The following JAK1 variants were observed in gnomAD, a reference collection of about 807,000 sequenced individuals.
JAK1 encodes the protein Janus kinase 1.
A neutral mutation model predicts 136.6 loss-of-function variants in JAK1; 16 were observed. That is an observed-to-expected ratio of 0.12 (90% confidence interval 0.08 to 0.18). The LOEUF is 0.18. JAK1 is among the 10% of genes least tolerant of loss of function. The probability of loss-of-function intolerance (pLI) is 1.00; values close to 1 mark genes in which losing one functional copy is unlikely to be tolerated. For missense variants in JAK1, 859 were observed against 1,450.1 expected, an observed-to-expected ratio of 0.59 and a Z score of 6.62; for synonymous variants, 492 against 519.5, an observed-to-expected ratio of 0.95 and a Z score of 0.72.
In JAK1 at chr1:64,951,649, C is replaced by CTTT. The variant is rs71056071; in HGVS notation, c.-78+14681_-78+14683dup. Among the ~76,000 whole-genome samples the CTTT allele has an allele frequency of 3.1e-4, 24 of 76,962 alleles. 1 individual carries two copies. Among genetic ancestry groups the CTTT allele is most frequent in the African/African-American group, 1.2e-3 (23 of 19,436 alleles). 50.5% of individuals were successfully genotyped at this position (76,962 alleles called of 152,430 possible). ...GCCCTTAGCTATAAACAAGTTCTGC[C>CTTT]TTTTTTTTTTTTTTTTTTTTTTTTT... On this transcript the variant is annotated intron_variant, in intron 1 of 24. Transcript: ENST00000342505.
intron 1 of JAK1, among the ~76,000 whole-genome samples, chr1:64,924,734 T>C (rs1019030678): frequency 3.3e-5 from 5 of 152,324 alleles, no homozygotes; most frequent in Admixed American, 6.5e-5. Context: ...TGGACAGGAC[T>C]GTAGAACTGC....
At chr1:64,922,283 T>C (rs1273826337) in intron 1 of JAK1, among the ~76,000 whole-genome samples, 1 of 152,160 alleles carries the variant, frequency 6.6e-6, no homozygotes, top group East Asian at 1.9e-4. Flanking sequence ...CCTGATAATT[T>C]CATTGGTAGC....
chr1:64,960,478 A>G (rs1471811117), intron 1 of JAK1, among the ~76,000 whole-genome samples: 2 of 152,156 alleles, frequency 1.3e-5, no homozygotes, highest in East Asian at 3.9e-4. Context: ...AGGCTAAAAG[A>G]CAATCAATCA....
chr1:64,874,665 T>C (rs952877711), intron 4 of JAK1, among the ~76,000 whole-genome samples: 3 of 152,292 alleles, frequency 2.0e-5, no homozygotes, highest in Admixed American at 6.5e-5. Flanking sequence ...ATCTGTAGGC[T>C]ACAGACTCAG....
At chr1:65,018,819 G>A (rs1321864085) in intron 2 of JAK1, among the ~76,000 whole-genome samples, 1 of 152,086 alleles carries the variant, frequency 6.6e-6, no homozygotes, top group Non-Finnish European at 1.5e-5. Flanking sequence ...GACCATCCTG[G>A]CTAACACGGT....
Position 64,879,043 on chromosome 1 carries a change from C to T in JAK1, c.311G>A (p.Arg104Gln), listed in dbSNP as rs532214548. 7.4e-6 allele frequency: 12 copies of T among 1,613,906 alleles called. No homozygotes were observed. Among genetic ancestry groups the T allele is most frequent in the Admixed American group, 1.7e-5 (1 of 59,990 alleles). ...CCCATACCTCATCCGGTAGTGGAGC[C>T]GGAGGGACATCTTGTCATCAACGGT... ...TITVDDKMSL[R>Q]LHYRMRFYFT... The change falls in exon 4 of 25, where the codon CGG becomes CAG. Residue 104 changes from arginine to glutamine, a missense_variant. By Grantham distance (43) the Arg-to-Gln change is conservative (BLOSUM62 1). Around this residue, in one of 4 missense-constraint regions of JAK1, gnomAD observed 353 missense variants for 494.0 expected, o/e 0.71. Coordinates refer to ENST00000342505, the MANE Select transcript of JAK1 (RefSeq NM_002227.4).
chr1:64,969,419 C>G (rs1204717368), upstream of JAK1, among the ~76,000 whole-genome samples: 2 of 150,660 alleles, frequency 1.3e-5, no homozygotes, highest in Non-Finnish European at 3.0e-5. Context: ...CCGCAACTCC[C>G]CACCCTCCTC....
At chr1:64,915,415 C>T (rs1434259503) in intron 1 of JAK1, among the ~76,000 whole-genome samples, 1 of 152,082 alleles carries the variant, frequency 6.6e-6, no homozygotes, top group Non-Finnish European at 1.5e-5. Context: ...ACCAAATTAA[C>T]GTATACCACA....
chr1:64,914,622 G>A (rs1164658037), intron 1 of JAK1, among the ~76,000 whole-genome samples: 1 of 152,172 alleles, frequency 6.6e-6, no homozygotes, highest in African/African-American at 2.4e-5. Flanking sequence ...GGAGCGCAGT[G>A]GCGTGATCTC....
chr1:64,885,671 T>G (rs1176382449), intron 2 of JAK1, among the ~76,000 whole-genome samples: 1 of 151,816 alleles, frequency 6.6e-6, no homozygotes, highest in Non-Finnish European at 1.5e-5. Flanking sequence ...GAGAATTGCT[T>G]GAACCTGGGA....
intron 1 of JAK1, among the ~76,000 whole-genome samples, chr1:64,922,597 C>G (rs1391784799): frequency 6.6e-6 from 1 of 152,096 alleles, no homozygotes; most frequent in East Asian, 1.9e-4. Flanking sequence ...TTGTTGAATG[C>G]TTTAAGGTGC....
Position 64,836,105 on chromosome 1 carries a change from G to A in JAK1, c.3251C>T (p.Pro1084Leu). ...GAGAAAAGTAGGACTTACAGCCATG[G>A]GACTAGAATCTGAATCACAGTAAGT... Reference protein sequence around the residue: ...LLTYCDSDSSPMALFLKMIGP... With the variant: ...LLTYCDSDSSLMALFLKMIGP... Residue 1084 changes from proline to leucine, a missense_variant, in exon 23 of 25, where the codon CCC becomes CTC. This residue lies in a region of JAK1 where 44 missense variants were observed against 137.6 expected (regional missense o/e 0.32). Coordinates refer to ENST00000342505, the MANE Select transcript of JAK1 (RefSeq NM_002227.4). The A allele has an allele frequency of 6.3e-7, 1 of 1,575,132 alleles. No individual in the cohort carries two copies. Among genetic ancestry groups the A allele is most frequent in the Non-Finnish European group, 8.7e-7 (1 of 1,144,546 alleles).
intron 2 of JAK1, among the ~76,000 whole-genome samples, chr1:65,000,380 G>A (rs1646744285): frequency 6.6e-6 from 1 of 151,846 alleles, no homozygotes; most frequent in African/African-American, 2.4e-5. Context: ...AGTCCTGCCT[G>A]TAATCCCAGA....
intron 1 of JAK1, among the ~76,000 whole-genome samples, chr1:64,957,585 C>T (rs1330732365): frequency 2.0e-5 from 3 of 151,806 alleles, no homozygotes; most frequent in Admixed American, 2.0e-4. Context: ...CTGAGGCAGG[C>T]GGATCACGAG....
intron 1 of JAK1, among the ~76,000 whole-genome samples, chr1:64,903,152 G>A (rs772760034): frequency 6.6e-5 from 10 of 152,056 alleles, no homozygotes; most frequent in African/African-American, 1.9e-4. Flanking sequence ...TCAGCCTTCC[G>A]AGTAGCTGGG....
chr1:64,883,651 T>C (rs1051600027), intron 2 of JAK1, among the ~76,000 whole-genome samples, 176 bp from the exon 3 acceptor site: 2 of 152,046 alleles, frequency 1.3e-5, no homozygotes, highest in African/African-American at 4.8e-5. Context: ...TCATAAGAGA[T>C]GAAACCATGG....
intron 1 of JAK1, among the ~76,000 whole-genome samples, chr1:64,952,854 T>C (rs576450841): frequency 1.3e-5 from 2 of 152,282 alleles, no homozygotes; most frequent in East Asian, 3.9e-4. Context: ...TAAACACACA[T>C]TCTCATTTAA....
At chr1:64,837,048 A>C (rs923996339) in intron 22 of JAK1, among the ~76,000 whole-genome samples, 5 of 152,112 alleles carry the variant, frequency 3.3e-5, no homozygotes, top group African/African-American at 1.2e-4. Context: ...CTAGTCACGC[A>C]TGCTGTCTAG....
At chr1:64,997,259 A>G (rs2100738729) in intron 2 of JAK1, among the ~76,000 whole-genome samples, 1 of 152,350 alleles carries the variant, frequency 6.6e-6, no homozygotes, top group African/African-American at 2.4e-5. Context: ...ACAATGGGTA[A>G]AAACTAGAAG....
Sources: allele counts gnomAD v4.1 joint callset (sites outside exome capture counted in the v4.1 genomes callset), GRCh38; gene constraint gnomAD v4.1.1; regional missense constraint gnomAD v4.1.1; transcripts MANE v1.5; gene names NCBI Gene and HGNC (gene_info 2026-07-23, HGNC 2026-07-21).